ZNF423: variants seen among roughly 807,000 people sequenced by gnomAD.
ZNF423 encodes Ebf-associated zinc finger protein.
Under a neutral mutation model 95.8 loss-of-function variants are expected in ZNF423, and 12 were observed. The ratio of observed to expected loss-of-function variants is 0.13; its 90% confidence interval spans 0.08 to 0.20. The LOEUF (loss-of-function observed/expected upper bound fraction) is 0.20. Among genes scored for constraint, ZNF423 ranks in the 10% least tolerant of loss-of-function variants. ZNF423 has a pLI of 1.00. For synonymous variants in ZNF423, 749 were observed against 711.9 expected (o/e 1.05, Z -0.83); for missense variants, 1,316 against 1,737.1 (o/e 0.76, Z 4.31).
intron 5 of ZNF423, among the ~76,000 whole-genome samples, chr16:49,555,692 G>GGATGGTA (rs1356835288): frequency 4.6e-5 from 7 of 152,310 alleles, no homozygotes; most frequent in East Asian, 3.9e-4. Flanking sequence ...ATGGACAGGT[G>GGATGGTA]GATGGTAGAT....
At chr16:49,757,062 C>T (rs1010935619) in intron 2 of ZNF423, among the ~76,000 whole-genome samples, 1 of 152,180 alleles carries the variant, frequency 6.6e-6, no homozygotes, top group Non-Finnish European at 1.5e-5. Flanking sequence ...TTTTGTTTTT[C>T]TTATAAATTA....
At chr16:49,798,481 C>G (rs1467069492) in intron 1 of ZNF423, among the ~76,000 whole-genome samples, 3 of 148,530 alleles carry the variant, frequency 2.0e-5, no homozygotes, top group Non-Finnish European at 1.5e-5. Flanking sequence ...GCACTCCAGT[C>G]TGGGTGACAG....
chr16:49,729,927 C>CT (rs1567315593), intron 3 of ZNF423, among the ~76,000 whole-genome samples: 1 of 152,132 alleles, frequency 6.6e-6, no homozygotes, highest in East Asian at 1.9e-4. Context: ...AGATTTCAGG[C>CT]TTTCTTCCAC....
chr16:49,733,369 C>T (rs755183184), intron 2 of ZNF423, among the ~76,000 whole-genome samples: 25 of 152,280 alleles, frequency 1.6e-4, no homozygotes, highest in East Asian at 9.7e-4. Context: ...ATTATCCCCT[C>T]GTTATTTTTT....
chr16:49,791,452 C>T (rs1017482025), intron 1 of ZNF423, among the ~76,000 whole-genome samples: 1 of 152,190 alleles, frequency 6.6e-6, no homozygotes, highest in African/African-American at 2.4e-5. Context: ...GCCAAAAAAT[C>T]AGTTTCCCTT....
At chr16:49,851,661 A>G (rs536537440) in intron 1 of ZNF423, among the ~76,000 whole-genome samples, 23 of 152,228 alleles carry the variant, frequency 1.5e-4, no homozygotes, top group African/African-American at 5.5e-4. Context: ...TATGACTGTA[A>G]AGTCACCCGC....
At chr16:49,846,057 C>A (rs1022743536) in intron 1 of ZNF423, among the ~76,000 whole-genome samples, 4 of 151,966 alleles carry the variant, frequency 2.6e-5, no homozygotes, top group African/African-American at 9.7e-5. Context: ...TAAAAAGCCA[C>A]GGATGAGGCC....
Position 49,637,524 on chromosome 16 carries a change from A to G in ZNF423, c.1652T>C (p.Val551Ala), listed in dbSNP as rs751262380. Reference sequence around the variant, plus strand: ...CGGAGACTCTAGTTTGGCACTGCCCACACTGCAGTGGGCCTGCTGGATGTG... The same window carrying G: ...CGGAGACTCTAGTTTGGCACTGCCCGCACTGCAGTGGGCCTGCTGGATGTG... ...TEHIQQAHCS[V>A]GSAKLESPVV... The change falls in exon 4 of 8, where the codon GTG (valine) becomes GCG (alanine). Residue 551 changes from valine to alanine, a missense_variant. Transcript: ENST00000563137. This position sits in a 1 kb window ranked among gnomAD's most constrained non-coding sequence, Gnocchi z 5.6. 3.2e-5 allele frequency: 51 copies of G among 1,613,946 alleles called. No homozygotes were observed. Among genetic ancestry groups the G allele is most frequent in the Non-Finnish European group, 1.1e-5 (13 of 1,180,006 alleles).
intron 2 of ZNF423, among the ~76,000 whole-genome samples, chr16:49,773,971 A>G (rs2034078556): frequency 6.6e-6 from 1 of 152,184 alleles, no homozygotes; most frequent in Non-Finnish European, 1.5e-5. Context: ...AGAGCATGCA[A>G]GGAATGCCAG....
intron 5 of ZNF423, among the ~76,000 whole-genome samples, chr16:49,539,788 C>A (rs2151735543): frequency 6.6e-6 from 1 of 152,032 alleles, no homozygotes; most frequent in East Asian, 1.9e-4. Context: ...ACACAGTCGC[C>A]CAGAAATCCT....
At chr16:49,788,099 C>T (rs1421169866) in intron 2 of ZNF423, among the ~76,000 whole-genome samples, 1 of 152,208 alleles carries the variant, frequency 6.6e-6, no homozygotes, top group Non-Finnish European at 1.5e-5. Context: ...GTCCTGGACC[C>T]TCCTCCCTAG....
intron 1 of ZNF423, among the ~76,000 whole-genome samples, chr16:49,815,903 TATATATATA>T (rs1567356415): frequency 6.5e-5 from 3 of 46,446 alleles, no homozygotes; most frequent in African/African-American, 1.9e-4. Flanking sequence ...TATATATATA[TATATATATA>T]TATTTTTTTT....
At chr16:49,719,755 G>A (rs993428196) in intron 3 of ZNF423, among the ~76,000 whole-genome samples, 4 of 152,194 alleles carry the variant, frequency 2.6e-5, no homozygotes, top group African/African-American at 9.7e-5. Flanking sequence ...CAGCCATGCT[G>A]CCTGTACAGC....
In ZNF423 at chr16:49,538,646, G is replaced by A. The variant is rs540709330; in HGVS notation, c.3602-13152C>T. Among the ~76,000 whole-genome samples the A allele has an allele frequency of 3.3e-5, 5 of 152,136 alleles. No individual in the cohort carries two copies. In the South Asian group the frequency reaches 6.2e-4, roughly 19 times the overall value. On this transcript the variant is annotated intron_variant, in intron 5 of 7. Coordinates refer to ENST00000563137, the MANE Select transcript of ZNF423 (RefSeq NM_001379286.1). Reference sequence around the variant, plus strand: ...CTACCTAACACCCCTACTTTTGGCCGCACCCAGCTTCCTCCTGGCCCAAGG... The same window carrying A: ...CTACCTAACACCCCTACTTTTGGCCACACCCAGCTTCCTCCTGGCCCAAGG...
intron 2 of ZNF423, among the ~76,000 whole-genome samples, chr16:49,740,034 A>G (rs1470837032): frequency 1.3e-5 from 2 of 151,666 alleles, no homozygotes; most frequent in Non-Finnish European, 2.9e-5. Flanking sequence ...AGACCCAGGT[A>G]ATTTTTAAAA....
At chr16:49,708,055 G>T (rs146646441) in intron 3 of ZNF423, 1 of 152,702 alleles carries the variant, frequency 6.5e-6, no homozygotes, top group African/African-American at 2.4e-5. Flanking sequence ...GAAAAGGACC[G>T]TGAAAGGTGC....
chr16:49,670,830 C>T (rs183734550), intron 3 of ZNF423, among the ~76,000 whole-genome samples: 5 of 152,334 alleles, frequency 3.3e-5, no homozygotes, highest in Admixed American at 2.6e-4. Flanking sequence ...CTGACAACGC[C>T]GGCTTGAGGC....
chr16:49,491,267 G>A lies in ZNF423; in HGVS notation c.*8C>T, dbSNP rs1396297734. On this transcript the variant is annotated 3_prime_UTR_variant, in exon 8 of 8. Transcript: ENST00000563137. ...CTTCTGCGGAGAGGTGTCCTGTTGA[G>A]CGATCCCTCACTGTGCGTGCTGGCT... 13 of 1,614,082 alleles carry A rather than the reference G, an allele frequency of 8.1e-6. No homozygotes were observed. The highest frequency in any genetic ancestry group is 2.2e-5 in the South Asian group (2 of 91,078).
intron 5 of ZNF423, among the ~76,000 whole-genome samples, chr16:49,609,547 G>C (rs926450456): frequency 1.3e-5 from 2 of 152,078 alleles, no homozygotes; most frequent in Non-Finnish European, 2.9e-5. Context: ...GAGATACAAG[G>C]AGGCACTAAA....
Sources: gnomAD v4.1 joint callset for allele counts (sites outside exome capture counted in the v4.1 genomes callset) on GRCh38, gnomAD v4.1.1 for gene constraint, Gnocchi (gnomAD v3.1) non-coding constraint, MANE v1.5 for transcripts, NCBI Gene and HGNC (gene_info 2026-07-23, HGNC 2026-07-21) for gene names.